Variants in PTPRT observed in about 807,000 individuals in gnomAD.
PTPRT encodes the protein receptor-type tyrosine-protein phosphatase T.
A neutral mutation model predicts 176.8 loss-of-function variants in PTPRT; 56 were observed. That is an observed-to-expected ratio of 0.32 (90% CI 0.26 to 0.40). The LOEUF (loss-of-function observed/expected upper bound fraction) is 0.40, where lower values mean the gene tolerates loss of function less well. Ranked by LOEUF, PTPRT falls within the 10% of genes least tolerant of loss-of-function variation. PTPRT has a pLI of 1.00. For missense variants in PTPRT, 1,540 were observed against 1,908.2 expected (o/e 0.81, Z 3.60); for synonymous variants, 783 against 739.0 (o/e 1.06, Z -0.96).
intron 7 of PTPRT, among the ~76,000 whole-genome samples, chr20:42,551,314 A>G (rs2072766131): frequency 6.6e-6 from 1 of 152,150 alleles, no homozygotes; most frequent in Non-Finnish European, 1.5e-5. Flanking sequence ...CCGTGGGCTC[A>G]TTCTTTTAGA....
intron 1 of PTPRT, among the ~76,000 whole-genome samples, chr20:43,081,403 T>C (rs2146288043): frequency 6.6e-6 from 1 of 152,096 alleles, no homozygotes; most frequent in Admixed American, 6.5e-5. Flanking sequence ...CATTTCACAT[T>C]TCACAGCTAT....
At chr20:42,814,445 T>C (rs1432171613) in intron 2 of PTPRT, among the ~76,000 whole-genome samples, 2 of 152,230 alleles carry the variant, frequency 1.3e-5, no homozygotes, top group African/African-American at 4.8e-5. Flanking sequence ...AGATAATATA[T>C]GTAAATTGCT....
intron 9 of PTPRT, 135 bp from the exon 10 acceptor site, chr20:42,352,420 C>T (rs1359480790): frequency 1.0e-5 from 8 of 762,040 alleles, no homozygotes; most frequent in Non-Finnish European, 1.7e-5. Context: ...TTCTGCTAAG[C>T]TGCCTGTTGC....
intron 7 of PTPRT, among the ~76,000 whole-genome samples, chr20:42,616,128 A>C (rs2074072165): frequency 7.9e-6 from 1 of 126,532 alleles, no homozygotes; most frequent in Non-Finnish European, 1.6e-5. Flanking sequence ...GGCATAAGGA[A>C]GGGATCCAGT....
chr20:42,424,438 T>C (rs983085648), intron 9 of PTPRT, among the ~76,000 whole-genome samples: 3 of 152,164 alleles, frequency 2.0e-5, no homozygotes, highest in Admixed American at 6.5e-5. Flanking sequence ...CCAGAGCTGG[T>C]AGTAAACACC....
At chr20:42,182,767 G>A (rs1345159226) in intron 16 of PTPRT, among the ~76,000 whole-genome samples, 2 of 152,226 alleles carry the variant, frequency 1.3e-5, no homozygotes, top group Non-Finnish European at 2.9e-5. Flanking sequence ...GGAGCAAGCA[G>A]GGAGATCTAG....
intron 2 of PTPRT, among the ~76,000 whole-genome samples, chr20:42,835,831 G>A (rs1331156048): frequency 6.6e-6 from 1 of 152,032 alleles, no homozygotes; most frequent in African/African-American, 2.4e-5. Context: ...GTTATTAAGA[G>A]CAGAAAATAC....
At chr20:42,276,480 A>T in intron 13 of PTPRT, among the ~76,000 whole-genome samples, 1 of 100,652 alleles carries the variant, frequency 9.9e-6, no homozygotes, top group African/African-American at 3.5e-5. Context: ...CTCAGAAAGG[A>T]AGAGAGAAAG....
chr20:42,893,205 T>C (rs921097402), intron 1 of PTPRT, among the ~76,000 whole-genome samples: 1 of 152,156 alleles, frequency 6.6e-6, no homozygotes, highest in Non-Finnish European at 1.5e-5. Context: ...CCAAAGGATA[T>C]GAACAGACAC....
At chr20:43,086,192 G>A (rs1441663032) in intron 1 of PTPRT, among the ~76,000 whole-genome samples, 2 of 152,262 alleles carry the variant, frequency 1.3e-5, no homozygotes, top group East Asian at 3.9e-4. Flanking sequence ...TGTCTAGACA[G>A]GCATACAAGG....
At chr20:42,286,287 A>G (rs1028306179) in intron 12 of PTPRT, among the ~76,000 whole-genome samples, 1 of 151,996 alleles carries the variant, frequency 6.6e-6, no homozygotes, top group Non-Finnish European at 1.5e-5. Flanking sequence ...TCCTGAGCAA[A>G]AAGAACAAAG....
intron 7 of PTPRT, among the ~76,000 whole-genome samples, chr20:42,651,102 A>C (rs117801739): frequency 0.015 from 2,317 of 152,240 alleles, 36 homozygotes; most frequent in Middle Eastern, 0.058. Context: ...ATGGTGTCAG[A>C]TTATAAAGGG....
chr20:43,015,896 C>T (rs781079818), intron 1 of PTPRT, among the ~76,000 whole-genome samples: 3 of 151,774 alleles, frequency 2.0e-5, no homozygotes, highest in Non-Finnish European at 4.4e-5. Flanking sequence ...CAGGATTATG[C>T]CCCAATCAGA....
chr20:43,120,620 C>T (rs963406038), intron 1 of PTPRT, among the ~76,000 whole-genome samples: 4 of 152,148 alleles, frequency 2.6e-5, no homozygotes, highest in African/African-American at 4.8e-5. Flanking sequence ...TGGTTATCTA[C>T]TTCTGTACTG....
At chr20:42,439,305 G>A (rs542338921) in intron 9 of PTPRT, among the ~76,000 whole-genome samples, 1 of 152,276 alleles carries the variant, frequency 6.6e-6, no homozygotes, top group African/African-American at 2.4e-5. Flanking sequence ...CAACAGGACT[G>A]ACTTCCACTA....
At chr20:42,930,298 C>T (rs1979750114) in intron 1 of PTPRT, among the ~76,000 whole-genome samples, 1 of 152,110 alleles carries the variant, frequency 6.6e-6, no homozygotes, top group Non-Finnish European at 1.5e-5. Flanking sequence ...GGGGCTGGAT[C>T]CCTGCCACTG....
intron 9 of PTPRT, among the ~76,000 whole-genome samples, chr20:42,371,136 G>A (rs530200421): frequency 2.6e-5 from 4 of 152,324 alleles, no homozygotes; most frequent in Admixed American, 2.6e-4. Context: ...CAATGGGGAT[G>A]GTGACCTCTG....
In PTPRT at chr20:43,000,061, A is replaced by AGGAGGGAG. The variant is rs3030231; in HGVS notation, c.89-114137_89-114130dup. ...AAGAATGGAGGAAGGGAAGAAGGGA[A>AGGAGGGAG]GGAGGGAGGGAGGGAGGGAGGGAGG... On this transcript the variant is annotated intron_variant, in intron 1 of 30. Coordinates refer to ENST00000373187, the MANE Select transcript of PTPRT (RefSeq NM_007050.6). Among the ~76,000 whole-genome samples, 308 of 81,912 alleles carry AGGAGGGAG rather than the reference A, an allele frequency of 3.8e-3. 6 individuals are homozygous for AGGAGGGAG. Among genetic ancestry groups the AGGAGGGAG allele is most frequent in the African/African-American group, 0.014 (262 of 18,794 alleles). The allele number at this position is 81,912 out of a possible 152,430, so 53.7% of individuals were successfully genotyped here. A position where few individuals can be genotyped will look rare whatever the true frequency, so the allele number is the denominator to read the frequency against.
Position 42,609,783 on chromosome 20 carries a change from C to T in PTPRT, c.1153+68083G>A, listed in dbSNP as rs1357213549. Among the ~76,000 whole-genome samples the T allele has an allele frequency of 5.9e-5, 9 of 152,204 alleles. No homozygotes were observed. In the East Asian group the frequency reaches 1.2e-3, roughly 20 times the overall value. On this transcript the variant is annotated intron_variant, in intron 7 of 30. Coordinates refer to ENST00000373187, the MANE Select transcript of PTPRT (RefSeq NM_007050.6). The stretch of plus-strand genomic sequence containing the variant: ...TGGCAGACAAATAAGAGCAGATCAG[C>T]TGACCCCCACTCCCCCCAGGGCGGG...
Sources: allele counts gnomAD v4.1 joint callset (sites outside exome capture counted in the v4.1 genomes callset), GRCh38; gene constraint gnomAD v4.1.1; transcripts MANE v1.5; gene names NCBI Gene and HGNC (gene_info 2026-07-23, HGNC 2026-07-21).